Variants in ELF2 observed in about 807,000 individuals in gnomAD.
ELF2 encodes the protein E74 like ETS transcription factor 2, also known as ETS-related transcription factor Elf-2.
A neutral mutation model predicts 54.8 loss-of-function variants in ELF2; 11 were observed. The observed-to-expected ratio is 0.20, with a 90% CI of 0.13 to 0.33. The LOEUF (loss-of-function observed/expected upper bound fraction) is 0.33. Ranked by LOEUF, ELF2 falls within the 10% of genes least tolerant of loss-of-function variation. The pLI is 1.00. For synonymous variants in ELF2, 203 were observed against 245.1 expected (o/e 0.83, Z 1.61); for missense variants, 513 against 703.0 (o/e 0.73, Z 3.06).
intron 5 of ELF2, 139 bp from the exon 6 acceptor site, chr4:139,072,178 T>G: frequency 1.3e-6 from 1 of 749,468 alleles, no homozygotes; most frequent in Non-Finnish European, 2.1e-6. Flanking sequence ...AGAAGTTAAT[T>G]TGCTGAATAT....
chr4:139,170,934 C>T (rs1742247284), intron 1 of ELF2, among the ~76,000 whole-genome samples: 1 of 151,722 alleles, frequency 6.6e-6, no homozygotes, highest in African/African-American at 2.4e-5. Flanking sequence ...TTAGTAGAGA[C>T]AGGGTTTTAC....
upstream of ELF2, among the ~76,000 whole-genome samples, chr4:139,177,841 G>C (rs1365364724): frequency 6.6e-6 from 1 of 152,182 alleles, no homozygotes; most frequent in Non-Finnish European, 1.5e-5. Context: ...ACAGTTACAG[G>C]GGGGCGAGGT....
intron 4 of ELF2, among the ~76,000 whole-genome samples, chr4:139,121,663 TG>T (rs1736360772): frequency 6.6e-6 from 1 of 152,118 alleles, no homozygotes. Flanking sequence ...CTGCAGCCAC[TG>T]GGGAAGATAT....
intron 1 of ELF2, among the ~76,000 whole-genome samples, chr4:139,166,280 G>T (rs1297350407): frequency 6.6e-6 from 1 of 151,964 alleles, no homozygotes; most frequent in South Asian, 2.1e-4. Flanking sequence ...CCAGCTGCTT[G>T]GGAAGCTGAG....
intron 4 of ELF2, among the ~76,000 whole-genome samples, chr4:139,082,066 G>A (rs571032358): frequency 6.6e-6 from 1 of 152,052 alleles, no homozygotes; most frequent in Non-Finnish European, 1.5e-5. Flanking sequence ...ACTCCAAGGA[G>A]AATACCTACA....
At chr4:139,121,656 C>CA in intron 4 of ELF2, among the ~76,000 whole-genome samples, 1 of 152,128 alleles carries the variant, frequency 6.6e-6, no homozygotes, top group Non-Finnish European at 1.5e-5. Context: ...ATGGAGTCTG[C>CA]AGCCACTGGG....
At chr4:139,100,153 T>C (rs562707613) in intron 4 of ELF2, among the ~76,000 whole-genome samples, 1 of 152,360 alleles carries the variant, frequency 6.6e-6, no homozygotes, top group East Asian at 1.9e-4. Flanking sequence ...TAAATAGCTA[T>C]CTAGCCTTGG....
chr4:139,103,698 T>C (rs1201536542), intron 4 of ELF2, among the ~76,000 whole-genome samples: 1 of 152,240 alleles, frequency 6.6e-6, no homozygotes, highest in Non-Finnish European at 1.5e-5. Flanking sequence ...TATCTCCAAG[T>C]AGACAGTGTC....
At chr4:139,123,339 C>CA (rs1199032233) in intron 4 of ELF2, among the ~76,000 whole-genome samples, 3 of 151,514 alleles carry the variant, frequency 2.0e-5, no homozygotes, top group Non-Finnish European at 2.9e-5. Context: ...AAACCACTTA[C>CA]AAAAAAAACA....
intron 1 of ELF2, among the ~76,000 whole-genome samples, chr4:139,161,417 A>G (rs1264136723): frequency 6.6e-6 from 1 of 152,178 alleles, no homozygotes; most frequent in Non-Finnish European, 1.5e-5. Context: ...AAAACAGAAT[A>G]GTCTTTTATT....
intron 7 of ELF2, among the ~76,000 whole-genome samples, chr4:139,062,698 G>C (rs936078033): frequency 1.3e-5 from 2 of 152,288 alleles, no homozygotes; most frequent in Non-Finnish European, 2.9e-5. Flanking sequence ...TTTATCATAT[G>C]ATAAGCCTAA....
At chr4:139,122,014 C>T (rs1292026059) in intron 4 of ELF2, among the ~76,000 whole-genome samples, 1 of 152,022 alleles carries the variant, frequency 6.6e-6, no homozygotes, top group Non-Finnish European at 1.5e-5. Flanking sequence ...TTTAGTACTC[C>T]AACACAAATG....
At chr4:139,115,343 G>A (rs1735565514) in intron 4 of ELF2, 3 of 1,356,340 alleles carry the variant, frequency 2.2e-6, no homozygotes, top group Admixed American at 3.8e-5. Context: ...GGTCGCCAAC[G>A]CCGCGCCCCC....
rs572171616 is a variant in ELF2, at chr4:139,072,310, C to G, written c.353-271G>C. The G allele has an allele frequency of 1.8e-3, 507 of 284,082 alleles. 1 individual carries two copies. Among genetic ancestry groups the G allele is most frequent in the African/African-American group, 0.011 (487 of 44,964 alleles). 17.6% of individuals were successfully genotyped at this position (284,082 alleles called of 1,614,324 possible). A position where few individuals can be genotyped will look rare whatever the true frequency, so the allele number is the denominator to read the frequency against. ...GTCACTCCACTCTTTCACACTTATA[C>G]TTTCAAACTAATTGTAGAAAAATTC... On this transcript the variant is annotated intron_variant, in intron 5 of 9. Coordinates refer to ENST00000686138, the MANE Select transcript of ELF2 (RefSeq NM_001331036.3).
chr4:139,138,277 C>T (rs1455666019), intron 2 of ELF2, among the ~76,000 whole-genome samples: 1 of 152,032 alleles, frequency 6.6e-6, no homozygotes, highest in Non-Finnish European at 1.5e-5. Flanking sequence ...ATTAGCTGGG[C>T]ATGGTGAAGC....
chr4:139,174,046 A>G (rs2148922470), intron 1 of ELF2, among the ~76,000 whole-genome samples: 1 of 147,308 alleles, frequency 6.8e-6, no homozygotes, highest in African/African-American at 2.5e-5. Flanking sequence ...ACACGGTGAA[A>G]CCCCATCTCT....
intron 1 of ELF2, among the ~76,000 whole-genome samples, chr4:139,161,652 TAAAAAAAAAAAAAA>T (rs57452146): frequency 5.7e-5 from 4 of 70,028 alleles, no homozygotes; most frequent in East Asian, 4.5e-4. Flanking sequence ...TAAAACTGTT[TAAAAAAAAAAAAAA>T]AAAAAAAAAA....
chr4:139,132,150 G>C (rs997903732), intron 3 of ELF2, among the ~76,000 whole-genome samples: 29 of 151,744 alleles, frequency 1.9e-4, no homozygotes, highest in African/African-American at 6.8e-4. Flanking sequence ...TGGTAATTAA[G>C]AAATATCAAA....
intron 4 of ELF2, among the ~76,000 whole-genome samples, chr4:139,083,565 CG>C (rs750031754): frequency 2.0e-5 from 3 of 151,962 alleles, no homozygotes; most frequent in Non-Finnish European, 4.4e-5. Context: ...TTTTTTTTGG[CG>C]GGTATCGGTC....
Sources: gnomAD v4.1 joint callset for allele counts (sites outside exome capture counted in the v4.1 genomes callset) on GRCh38, gnomAD v4.1.1 for gene constraint, MANE v1.5 for transcripts, NCBI Gene and HGNC (gene_info 2026-07-23, HGNC 2026-07-21) for gene names.